Variants in INTS4 observed in about 807,000 individuals in gnomAD.
INTS4 encodes MSTP093.
In INTS4, 70 loss-of-function variants were observed where a neutral mutation model predicts 119.5. That is an observed-to-expected ratio of 0.59 (90% CI 0.48 to 0.71). INTS4 has a LOEUF of 0.71. INTS4 is among the 30% of genes least tolerant of loss of function. INTS4 has a pLI of 0.00. For missense variants in INTS4, 867 were observed against 1,173.2 expected (o/e 0.74, Z 3.81); for synonymous variants, 316 against 419.6 (o/e 0.75, Z 3.02).
chr11:77,915,525 G>A (rs1462939725), intron 15 of INTS4, among the ~76,000 whole-genome samples: 2 of 152,218 alleles, frequency 1.3e-5, no homozygotes, highest in Admixed American at 6.5e-5. Context: ...CCCACGACCT[G>A]TCCAGCCCAA....
At chr11:77,937,256 G>A (rs35346988) in intron 10 of INTS4, among the ~76,000 whole-genome samples, 1,733 of 151,998 alleles carry the variant, frequency 0.011, 11 homozygotes, top group Non-Finnish European at 0.018. Flanking sequence ...GATTCAAGAA[G>A]CTCAACAAAC....
rs1473948137 is a variant in INTS4 at position 77,891,694 on chromosome 11, G to A, written c.2435C>T (p.Pro812Leu). 8.1e-6 allele frequency: 13 copies of A among 1,611,850 alleles called. No homozygotes were observed. The highest frequency in any genetic ancestry group is 1.1e-5 in the South Asian group (1 of 90,986). The change falls in exon 20 of 23, where the codon CCG (proline) becomes CTG (leucine). Residue 812 changes from proline (P) to leucine (L), a missense_variant. Around this residue, in one of 5 missense-constraint regions of INTS4, gnomAD observed 262 missense variants for 376.0 expected, o/e 0.70. Transcript: ENST00000534064. ...ATAGACCCTGACCTGCTCTGGAAGC[G>A]GGAGATGCAGAAAGGCACTCTGTCG... ...MLRQSAFLHLPLPEQIHKASA... is the reference protein window; with the variant it reads ...MLRQSAFLHLLLPEQIHKASA...
rs113000353 is a variant in INTS4, at chr11:77,882,902, C to T, written c.2713+930G>A. Among the ~76,000 whole-genome samples, 755 of 152,218 alleles carry T rather than the reference C, an allele frequency of 5.0e-3. 1 individual carries two copies. The highest frequency in any genetic ancestry group is 6.2e-3 in the Non-Finnish European group (425 of 68,012). On this transcript the variant is annotated intron_variant, in intron 22 of 22. Transcript: ENST00000534064. ...CTTGGCCAACATGACGAAACCCTGT[C>T]TCTACTAAAATACAAAAAAATTAGC...
chr11:77,987,113 T>C (rs1856488554), intron 2 of INTS4: 1 of 152,158 alleles, frequency 6.6e-6, no homozygotes, highest in African/African-American at 2.4e-5. Context: ...TAGAAGTGGA[T>C]TGGGGAAGAG....
intron 12 of INTS4, chr11:77,922,700 G>A: frequency 1.7e-6 from 1 of 593,152 alleles, no homozygotes; most frequent in South Asian, 2.0e-5. Context: ...TTAACCAAGA[G>A]CCATTTCCCC....
chr11:77,935,740 A>G (rs1467540127), intron 10 of INTS4, among the ~76,000 whole-genome samples: 1 of 151,918 alleles, frequency 6.6e-6, no homozygotes, highest in Non-Finnish European at 1.5e-5. Flanking sequence ...TACAAAAAAT[A>G]CAAAAATTAG....
At chr11:77,978,174 G>T (rs770010345) in intron 4 of INTS4, 1 of 152,128 alleles carries the variant, frequency 6.6e-6, no homozygotes, top group Non-Finnish European at 1.5e-5. Context: ...TTATAGGTGT[G>T]AGCCACCGCA....
At chr11:77,898,120 T>A (rs1469145720) in intron 18 of INTS4, among the ~76,000 whole-genome samples, 1 of 151,980 alleles carries the variant, frequency 6.6e-6, no homozygotes. Flanking sequence ...CTACCCCAAA[T>A]TGTTATTATT....
intron 18 of INTS4, among the ~76,000 whole-genome samples, chr11:77,896,080 A>G (rs1178558514): frequency 6.6e-6 from 1 of 152,250 alleles, no homozygotes; most frequent in Non-Finnish European, 1.5e-5. Flanking sequence ...AGTTAAGTCA[A>G]GGCAAGAAAG....
rs1238469900 is a variant in INTS4 at position 77,956,035 on chromosome 11, T to C, written c.825A>G (p.Glu275=). 1 of 1,604,368 alleles carries C rather than the reference T, an allele frequency of 6.2e-7. No homozygotes were observed. Among genetic ancestry groups the C allele is most frequent in the Non-Finnish European group, 8.5e-7 (1 of 1,177,908 alleles). Residue 275 remains glutamate (E), a synonymous_variant, in exon 8 of 23, where the codon GAA becomes GAG. Transcript: ENST00000534064. ...ACGCATCATCAACTAAGCGTATTTC[T>C]TCATTAGAAGAAGGAATTGGGACAA... ...ESIVPIPSSN[E]EIRLVDDAFG... is the part of the protein sequence containing the mutation.
intron 10 of INTS4, among the ~76,000 whole-genome samples, chr11:77,936,648 AGAT>A (rs1441951274): frequency 1.3e-5 from 2 of 152,242 alleles, no homozygotes; most frequent in African/African-American, 4.8e-5. Flanking sequence ...TACATGTCTG[AGAT>A]GAAATATATA....
At chr11:77,920,309 A>T (rs1479550897) in intron 14 of INTS4, among the ~76,000 whole-genome samples, 2 of 149,022 alleles carry the variant, frequency 1.3e-5, no homozygotes, top group Non-Finnish European at 3.0e-5. Flanking sequence ...ATATATATAA[A>T]TGTTCCTCTA....
intron 7 of INTS4, among the ~76,000 whole-genome samples, chr11:77,957,788 C>A (rs900313195): frequency 1.3e-5 from 2 of 150,982 alleles, no homozygotes; most frequent in Non-Finnish European, 2.9e-5. Context: ...CCTGCCTCAG[C>A]CTCCCTAGTA....
rs1954456477 is a variant in INTS4, at chr11:77,960,972, G to C, written c.638C>G (p.Thr213Arg). ...YFSDQDPRVR[T>R]AAIKAMLQLH... ...ATTTACCATGGCTTTTATAGCTGCTGTTCTGACACGTGGGTCTTGGTCACT... is the reference window on the plus strand; with the variant it reads ...ATTTACCATGGCTTTTATAGCTGCTCTTCTGACACGTGGGTCTTGGTCACT... The change falls in exon 5 of 23, where the codon ACA (threonine) becomes AGA (arginine). Residue 213 changes from threonine to arginine, a missense_variant. Transcript: ENST00000534064. 6.2e-7 allele frequency: 1 copy of C among 1,607,882 alleles called. No individual in the cohort carries two copies. The highest frequency in any genetic ancestry group is 8.5e-7 in the Non-Finnish European group (1 of 1,177,476).
chr11:77,892,203 T>C (rs1952303906), intron 19 of INTS4, among the ~76,000 whole-genome samples: 1 of 152,226 alleles, frequency 6.6e-6, no homozygotes, highest in South Asian at 2.1e-4. Context: ...TATTTTAGGT[T>C]CTGGAAACAC....
rs1212808504 is a variant in INTS4, at chr11:77,928,541, C to T, written c.1172G>A (p.Arg391His). The T allele has an allele frequency of 2.2e-5, 35 of 1,567,788 alleles. No individual in the cohort carries two copies. The highest frequency in any genetic ancestry group is 2.8e-5 in the Non-Finnish European group (32 of 1,155,242). The change falls in exon 11 of 23, where the codon CGT becomes CAT. Residue 391 changes from arginine to histidine, a missense_variant. Arg to His is a conservative substitution (Grantham distance 29). Transcript: ENST00000534064. ...GCAGAGGGCCTCCACAGCAGCAATA[C>T]GAACCTCTAGAAAAAAGAACAAATG... Reference protein sequence around the residue: ...HGLEDEMYEVRIAAVEALCML... With the variant: ...HGLEDEMYEVHIAAVEALCML...
At chr11:77,981,427 T>C (rs1366917728) in intron 3 of INTS4, 32 bp downstream of exon 3, 2 of 1,083,338 alleles carry the variant, frequency 1.8e-6, no homozygotes, top group Non-Finnish European at 2.7e-6. Flanking sequence ...ATATTTCTGC[T>C]CTGACTATAG....
intron 10 of INTS4, among the ~76,000 whole-genome samples, chr11:77,935,162 A>C (rs1156272823): frequency 6.6e-6 from 1 of 152,224 alleles, no homozygotes; most frequent in Non-Finnish European, 1.5e-5. Context: ...AGATGGAGTA[A>C]TGAGGACCAG....
intron 4 of INTS4, among the ~76,000 whole-genome samples, chr11:77,976,407 G>A (rs1367365412): frequency 1.3e-5 from 2 of 152,156 alleles, no homozygotes; most frequent in Non-Finnish European, 2.9e-5. Context: ...TCTAGGCCAG[G>A]CACTGTGGCT....
Sources: gnomAD v4.1 joint callset for allele counts (sites outside exome capture counted in the v4.1 genomes callset) on GRCh38, gnomAD v4.1.1 for gene constraint, gnomAD v4.1.1 regional missense constraint, MANE v1.5 for transcripts, NCBI Gene and HGNC (gene_info 2026-07-23, HGNC 2026-07-21) for gene names.